Variants in TASP1 observed in about 807,000 individuals in gnomAD.
TASP1 encodes the protein threonine aspartase 1.
Under a neutral mutation model 56.6 loss-of-function variants are expected in TASP1, and 16 were observed. The ratio of observed to expected loss-of-function variants is 0.28; its 90% CI spans 0.19 to 0.43. The LOEUF is 0.43. Ranked by LOEUF, TASP1 falls within the 20% of genes least tolerant of loss-of-function variation. The pLI is 1.00. For missense variants in TASP1, 393 were observed against 511.6 expected (o/e 0.77, Z 2.24); for synonymous variants, 179 against 184.2 (o/e 0.97, Z 0.23).
At chr20:13,370,066 G>A in the TASP1 span, among the ~76,000 whole-genome samples, 1 of 152,088 alleles carries the variant, frequency 6.6e-6, no homozygotes, top group Non-Finnish European at 1.5e-5. Flanking sequence ...TGAGAACCAG[G>A]AGGATTGCAA....
the TASP1 span, among the ~76,000 whole-genome samples, chr20:13,120,615 C>G: frequency 1.1e-4 from 16 of 152,114 alleles, no homozygotes; most frequent in Admixed American, 2.0e-4. Context: ...TGGAATGGGT[C>G]AAGGTCAGAG....
chr20:13,614,638 A>G (rs1260624236), intron 4 of TASP1: 1 of 330,264 alleles, frequency 3.0e-6, no homozygotes, highest in Non-Finnish European at 6.1e-6. Flanking sequence ...GGGCACATAC[A>G]ACATAATTAA....
chr20:13,108,185 C>T, the TASP1 span, among the ~76,000 whole-genome samples: 1 of 152,272 alleles, frequency 6.6e-6, no homozygotes, highest in East Asian at 1.9e-4. Context: ...TCTGACTTGT[C>T]CTATCCCACT....
At chr20:13,541,896 T>C (rs1237722793) in intron 8 of TASP1, among the ~76,000 whole-genome samples, 1 of 151,744 alleles carries the variant, frequency 6.6e-6, no homozygotes, top group Non-Finnish European at 1.5e-5. Flanking sequence ...ATACAAAACA[T>C]GAGCCAGGCA....
intron 8 of TASP1, among the ~76,000 whole-genome samples, chr20:13,549,443 T>TGTGTGTGTGTGTATGC (rs2045909023): frequency 2.6e-5 from 4 of 152,020 alleles, no homozygotes; most frequent in East Asian, 1.9e-4. Context: ...TGTGTGTATG[T>TGTGTGTGTGTGTATGC]GTGTGTGTGT....
At chr20:13,539,922 A>G (rs1238736269) in intron 8 of TASP1, among the ~76,000 whole-genome samples, 1 of 151,714 alleles carries the variant, frequency 6.6e-6, no homozygotes, top group Non-Finnish European at 1.5e-5. Context: ...AGGGCCTCAG[A>G]GTGCATGTTG....
intron 7 of TASP1, 98 bp from the exon 8 acceptor site, chr20:13,559,212 C>A (rs1276969321): frequency 3.0e-6 from 2 of 661,076 alleles, no homozygotes; most frequent in Non-Finnish European, 4.6e-6. Context: ...AGAAGAAAAT[C>A]CTTCAGTATG....
intron 2 of TASP1, among the ~76,000 whole-genome samples, chr20:13,626,324 G>A (rs2086750869): frequency 6.6e-6 from 1 of 152,110 alleles, no homozygotes; most frequent in South Asian, 2.1e-4. Context: ...CTACTCAGGG[G>A]GCTGGGGCAC....
At chr20:13,466,747 T>C (rs1422379484) in intron 11 of TASP1, among the ~76,000 whole-genome samples, 1 of 152,096 alleles carries the variant, frequency 6.6e-6, no homozygotes, top group Non-Finnish European at 1.5e-5. Flanking sequence ...TCTTAAAAGA[T>C]AGTAATAATA....
chr20:13,164,497 C>T, the TASP1 span: 1 of 531,390 alleles, frequency 1.9e-6, no homozygotes, highest in Non-Finnish European at 3.5e-6. Context: ...TTTTATTCTT[C>T]TCTTCACACT....
intron 7 of TASP1, among the ~76,000 whole-genome samples, chr20:13,567,245 A>G (rs1217635806): frequency 6.6e-6 from 1 of 152,008 alleles, no homozygotes; most frequent in Non-Finnish European, 1.5e-5. Context: ...ACAGAGAGGA[A>G]CAAAAGACAG....
At chr20:13,520,160 G>A (rs770196166) in intron 10 of TASP1, among the ~76,000 whole-genome samples, 3 of 152,158 alleles carry the variant, frequency 2.0e-5, no homozygotes, top group South Asian at 2.1e-4. Flanking sequence ...ATGCTCATGG[G>A]TAGGAAGAAT....
chr20:13,214,006 C>T, the TASP1 span, among the ~76,000 whole-genome samples: 2 of 152,306 alleles, frequency 1.3e-5, no homozygotes, highest in South Asian at 4.1e-4. Flanking sequence ...GATAAACAGA[C>T]ATGACAATGA....
the TASP1 span, among the ~76,000 whole-genome samples, chr20:13,339,162 G>A: frequency 6.6e-6 from 1 of 152,194 alleles, no homozygotes; most frequent in Non-Finnish European, 1.5e-5. Flanking sequence ...ACATCCTGGA[G>A]CATATGCTGT....
At chr20:13,266,959 A>G in the TASP1 span, among the ~76,000 whole-genome samples, 7 of 152,166 alleles carry the variant, frequency 4.6e-5, no homozygotes, top group Admixed American at 2.6e-4. Flanking sequence ...CCCTTTGAGA[A>G]GAGATAAAGA....
At chr20:13,403,058 T>C (rs960128326) in intron 13 of TASP1, among the ~76,000 whole-genome samples, 5 of 152,218 alleles carry the variant, frequency 3.3e-5, no homozygotes, top group African/African-American at 1.2e-4. Flanking sequence ...CTCTATCAGA[T>C]AGTTTTTAGA....
chr20:13,170,694 A>C, the TASP1 span, among the ~76,000 whole-genome samples: 371 of 152,280 alleles, frequency 2.4e-3, 4 homozygotes, highest in East Asian at 0.012. Context: ...GCCCTCACCC[A>C]AGTTTATTCA....
chr20:13,404,745 G>T (rs1196754908), intron 13 of TASP1, among the ~76,000 whole-genome samples: 1 of 152,078 alleles, frequency 6.6e-6, no homozygotes, highest in African/African-American at 2.4e-5. Context: ...AAATGATTAA[G>T]AATAAAAGAA....
intron 11 of TASP1, among the ~76,000 whole-genome samples, chr20:13,452,999 A>C (rs1050178020): frequency 2.6e-5 from 4 of 152,064 alleles, no homozygotes; most frequent in African/African-American, 9.7e-5. Context: ...CAGTGCTGGG[A>C]AAAGAGCCAA....
Sources: allele counts gnomAD v4.1 joint callset (sites outside exome capture counted in the v4.1 genomes callset), GRCh38; gene constraint gnomAD v4.1.1; transcripts MANE v1.5; gene names NCBI Gene and HGNC (gene_info 2026-07-23, HGNC 2026-07-21).